The following GDPD1 variants were observed in gnomAD, a reference collection of about 807,000 sequenced individuals.
The protein encoded by GDPD1 is glycerophosphodiester phosphodiesterase domain containing 1.
Under a neutral mutation model 45.1 loss-of-function variants are expected in GDPD1, and 28 were observed. The ratio of observed to expected loss-of-function variants is 0.62; its 90% CI spans 0.46 to 0.85. The LOEUF (loss-of-function observed/expected upper bound fraction) is 0.85. Among genes scored for constraint, GDPD1 ranks in the 40% least tolerant of loss-of-function variants. GDPD1 has a pLI of 0.00. For synonymous variants in GDPD1, 139 were observed against 131.4 expected, an observed-to-expected ratio of 1.06 and a Z score of -0.40; for missense variants, 256 against 364.8, an observed-to-expected ratio of 0.70 and a Z score of 2.43.
intron 1 of GDPD1, among the ~76,000 whole-genome samples, chr17:59,225,244 C>G (rs945522452): frequency 2.0e-5 from 3 of 151,472 alleles, no homozygotes; most frequent in African/African-American, 7.3e-5. Context: ...GGTGGTGCCA[C>G]CACGCCCAGC....
intron 2 of GDPD1, among the ~76,000 whole-genome samples, chr17:59,239,913 T>C (rs2047162570): frequency 6.6e-6 from 1 of 152,066 alleles, no homozygotes; most frequent in Non-Finnish European, 1.5e-5. Flanking sequence ...TTCATATTTT[T>C]TTTAGAGACG....
intron 4 of GDPD1, among the ~76,000 whole-genome samples, chr17:59,249,772 A>G (rs1026408475): frequency 6.6e-6 from 1 of 152,220 alleles, no homozygotes; most frequent in Admixed American, 6.5e-5. Context: ...AATAAAACCA[A>G]AAGATGTTAC....
intron 6 of GDPD1, among the ~76,000 whole-genome samples, chr17:59,258,744 T>G (rs1265028900): frequency 6.6e-6 from 1 of 152,224 alleles, no homozygotes; most frequent in Non-Finnish European, 1.5e-5. Context: ...TATTTCATTA[T>G]GTGTATTAAA....
chr17:59,240,240 G>A (rs1006876384), intron 2 of GDPD1, among the ~76,000 whole-genome samples: 8 of 151,468 alleles, frequency 5.3e-5, no homozygotes, highest in Admixed American at 2.0e-4. Flanking sequence ...GCAGTGAGCC[G>A]AGATCATGCC....
chr17:59,257,714 T>C, intron 5 of GDPD1, 37 bp from the exon 6 acceptor site: 1 of 1,301,552 alleles, frequency 7.7e-7, no homozygotes, highest in South Asian at 1.3e-5. Context: ...GATTTGCAAA[T>C]AGGCACATGC....
intron 2 of GDPD1, 50 bp from the exon 3 acceptor site, chr17:59,245,364 C>T (rs758681385): frequency 5.9e-6 from 9 of 1,526,130 alleles, no homozygotes; most frequent in Non-Finnish European, 8.1e-6. Context: ...ATGCATGTAA[C>T]CCAAATGTAT....
rs546732943 is a variant in GDPD1, at chr17:59,268,931, G to A, written c.710+1757G>A. On this transcript the variant is annotated intron_variant, in intron 7 of 9. Transcript: ENST00000284116. ...CCTGAACACGGGGGGCAGAAGTTGC[G>A]GTGAGCCAAGATCGCGCCACTGCAC... Among the ~76,000 whole-genome samples, 26 of 150,432 alleles carry A rather than the reference G, an allele frequency of 1.7e-4. No homozygotes were observed. The South Asian group carries it at 1.9e-3, about 11-fold the overall frequency.
intron 1 of GDPD1, 55 bp downstream of exon 1, chr17:59,220,806 T>C (rs2147869189): frequency 3.8e-6 from 6 of 1,584,822 alleles, no homozygotes; most frequent in Non-Finnish European, 5.1e-6. Flanking sequence ...GAGGGTCCTT[T>C]GCGGCTCCGC....
chr17:59,221,581 GT>G (rs2047005587), intron 1 of GDPD1, among the ~76,000 whole-genome samples: 1 of 152,146 alleles, frequency 6.6e-6, no homozygotes, highest in Admixed American at 6.5e-5. Context: ...TTGGAAAAGT[GT>G]TTTGCTAAAA....
chr17:59,269,478 C>A (rs933243136), intron 7 of GDPD1, among the ~76,000 whole-genome samples: 1 of 136,150 alleles, frequency 7.3e-6, no homozygotes. Flanking sequence ...CTTGTCTACC[C>A]CCCCCCCCAA....
At chr17:59,255,839 A>ATATATATACACG (rs2047301544) in intron 4 of GDPD1, among the ~76,000 whole-genome samples, 1 of 92,182 alleles carries the variant, frequency 1.1e-5, no homozygotes, top group African/African-American at 6.8e-5. Context: ...GCGTATATAT[A>ATATATATACACG]TATATATATA....
chr17:59,228,108 G>T (rs1009523393), intron 1 of GDPD1, among the ~76,000 whole-genome samples: 1 of 146,906 alleles, frequency 6.8e-6, no homozygotes, highest in African/African-American at 2.5e-5. Flanking sequence ...GGAGGTGGAG[G>T]TTGCAGTGAG....
chr17:59,263,104 G>A (rs976844548), intron 6 of GDPD1, among the ~76,000 whole-genome samples: 1 of 152,120 alleles, frequency 6.6e-6, no homozygotes, highest in African/African-American at 2.4e-5. Context: ...TGATACTATA[G>A]TATAGTTACA....
chr17:59,236,083 A>C (rs139199402), intron 2 of GDPD1, among the ~76,000 whole-genome samples: 45 of 152,274 alleles, frequency 3.0e-4, no homozygotes, highest in African/African-American at 1.1e-3. Flanking sequence ...AGCATTCTTC[A>C]TGCTTAAGGT....
At chr17:59,229,410 A>G (rs7223477) in intron 1 of GDPD1, among the ~76,000 whole-genome samples, 62,926 of 151,070 alleles carry the variant, frequency 0.42, 14,066 homozygotes, top group African/African-American at 0.59. Context: ...TTTTTAGTAG[A>G]GATGGGGTTT....
chr17:59,258,821 A>G (rs2047329633), intron 6 of GDPD1, among the ~76,000 whole-genome samples: 1 of 151,920 alleles, frequency 6.6e-6, no homozygotes, highest in Admixed American at 6.6e-5. Context: ...TTTGTGTGTA[A>G]TTTTGAGTTA....
At position 59,229,122 on chromosome 17, in the gene GDPD1, GTTATTATTATTATTATTATTA is replaced by G. The variant is rs71145540; in HGVS notation, c.143-5343_143-5323del. 5.9e-3 allele frequency among the ~76,000 whole-genome samples: 795 copies of G among 134,402 alleles called. 12 individuals carry two copies. The highest frequency in any genetic ancestry group is 0.02 in the African/African-American group (746 of 36,610). 88.2% of individuals were successfully genotyped at this position (134,402 alleles called of 152,430 possible). A position where few individuals can be genotyped will look rare whatever the true frequency, so the allele number is the denominator to read the frequency against. On this transcript the variant is annotated intron_variant, in intron 1 of 9. Coordinates refer to ENST00000284116, the MANE Select transcript of GDPD1 (RefSeq NM_182569.4). ...GGAAAAAAATTTTTTTCCTCAAATTGTTATTATTATTATTATTATTATTATTATTATTATTATTATTATTAT... is the reference window on the plus strand; with the variant it reads ...GGAAAAAAATTTTTTTCCTCAAATTGTTATTATTATTATTATTATTATTAT...
intron 6 of GDPD1, among the ~76,000 whole-genome samples, chr17:59,258,650 T>C (rs1169402569): frequency 6.6e-6 from 1 of 152,232 alleles, no homozygotes; most frequent in African/African-American, 2.4e-5. Flanking sequence ...GATAATGGAT[T>C]TGAACCTAGC....
intron 6 of GDPD1, among the ~76,000 whole-genome samples, chr17:59,263,385 C>A (rs2047373014): frequency 6.6e-6 from 1 of 152,034 alleles, no homozygotes; most frequent in Admixed American, 6.6e-5. Context: ...CCATACTTTT[C>A]CAAACATCAC....
Sources: allele counts gnomAD v4.1 joint callset (sites outside exome capture counted in the v4.1 genomes callset), GRCh38; gene constraint gnomAD v4.1.1; transcripts MANE v1.5; gene names NCBI Gene and HGNC (gene_info 2026-07-23, HGNC 2026-07-21).